Variants in CTNND2 observed in about 807,000 individuals in gnomAD.
The protein encoded by CTNND2 is catenin delta-2.
In CTNND2, 22 loss-of-function variants were observed where a neutral mutation model predicts 144.4. The ratio of observed to expected loss-of-function variants is 0.15; its 90% CI spans 0.11 to 0.22. The LOEUF (loss-of-function observed/expected upper bound fraction) is 0.22. Among genes scored for constraint, CTNND2 ranks in the 10% least tolerant of loss-of-function variants. CTNND2 has a pLI of 1.00. For synonymous variants in CTNND2, 751 were observed against 695.6 expected (o/e 1.08, Z -1.25); for missense variants, 1,353 against 1,618.8 (o/e 0.84, Z 2.82).
chr5:11,066,903 C>T (rs943806270), intron 16 of CTNND2, among the ~76,000 whole-genome samples: 1 of 152,212 alleles, frequency 6.6e-6, no homozygotes, highest in Non-Finnish European at 1.5e-5. Context: ...TTCCTTAGTT[C>T]AGCAGATTAG....
intron 3 of CTNND2, among the ~76,000 whole-genome samples, chr5:11,520,762 G>C (rs1317350359): frequency 6.6e-6 from 1 of 152,198 alleles, no homozygotes; most frequent in Non-Finnish European, 1.5e-5. Flanking sequence ...CAGATGGGCA[G>C]CCCCAATTTC....
intron 9 of CTNND2, among the ~76,000 whole-genome samples, chr5:11,286,382 A>G (rs1747758114): frequency 6.6e-6 from 1 of 152,230 alleles, no homozygotes; most frequent in African/African-American, 2.4e-5. Flanking sequence ...GTCTTAAGTT[A>G]TTAAAAACTC....
chr5:11,511,545 T>C lies in CTNND2; in HGVS notation c.287+53399A>G, dbSNP rs979409669. 2.0e-5 allele frequency among the ~76,000 whole-genome samples: 3 copies of C among 152,184 alleles called. No homozygotes were observed. The East Asian group carries it at 5.8e-4, about 29-fold the overall frequency. On this transcript the variant is annotated intron_variant, in intron 3 of 21. Transcript: ENST00000304623. ...CCTCATTTGGGGGTGATGTGTCCAT[T>C]TGGGGACATATGGTGGATGTATCTT...
chr5:11,669,827 T>C (rs1319495879), intron 2 of CTNND2, among the ~76,000 whole-genome samples: 1 of 152,164 alleles, frequency 6.6e-6, no homozygotes. Context: ...CTCTAGTTCT[T>C]GTAATTGTGA....
chr5:11,113,891 C>T (rs1255402363), intron 13 of CTNND2, among the ~76,000 whole-genome samples: 1 of 152,162 alleles, frequency 6.6e-6, no homozygotes, highest in African/African-American at 2.4e-5. Flanking sequence ...TACTTATTAC[C>T]GAGGGCATGA....
At chr5:11,654,553 T>C (rs921689892) in intron 2 of CTNND2, among the ~76,000 whole-genome samples, 5 of 152,220 alleles carry the variant, frequency 3.3e-5, no homozygotes, top group South Asian at 2.1e-4. Flanking sequence ...TATTAGTGTA[T>C]AGAAACATGA....
intron 11 of CTNND2, among the ~76,000 whole-genome samples, chr5:11,191,285 C>T (rs1449730558): frequency 6.6e-6 from 1 of 152,190 alleles, no homozygotes. Flanking sequence ...GCAGAGAAAT[C>T]ACTGTTGCCC....
chr5:11,450,574 G>C (rs1561412740), intron 3 of CTNND2, among the ~76,000 whole-genome samples: 1 of 152,054 alleles, frequency 6.6e-6, no homozygotes, highest in African/African-American at 2.4e-5. Context: ...ACAAAACAGG[G>C]GTTTCTGGAA....
chr5:11,482,828 C>G (rs767899390), intron 3 of CTNND2, among the ~76,000 whole-genome samples: 2 of 151,906 alleles, frequency 1.3e-5, no homozygotes, highest in Non-Finnish European at 2.9e-5. Flanking sequence ...GCAAGGAGAC[C>G]AAGGGGCTGG....
chr5:11,748,770 GA>G (rs1788452653), intron 1 of CTNND2, among the ~76,000 whole-genome samples: 1 of 151,860 alleles, frequency 6.6e-6, no homozygotes, highest in African/African-American at 2.4e-5. Flanking sequence ...TTGAGTTTGG[GA>G]GTATGTGATA....
intron 3 of CTNND2, among the ~76,000 whole-genome samples, chr5:11,537,599 C>T (rs951768696): frequency 1.4e-4 from 22 of 151,994 alleles, no homozygotes; most frequent in Non-Finnish European, 2.8e-4. Flanking sequence ...CCTTTCTACC[C>T]TGCTTTTACA....
At chr5:11,126,559 A>G (rs1754698296) in intron 12 of CTNND2, among the ~76,000 whole-genome samples, 1 of 152,218 alleles carries the variant, frequency 6.6e-6, no homozygotes, top group Non-Finnish European at 1.5e-5. Context: ...AACTGATGAG[A>G]GTACCTGGCT....
chr5:11,838,363 T>C (rs540997410), intron 1 of CTNND2, among the ~76,000 whole-genome samples: 106 of 152,342 alleles, frequency 7.0e-4, no homozygotes, highest in Non-Finnish European at 1.3e-3. Context: ...TATTTTGAAC[T>C]TTCTCTGCCA....
chr5:11,749,795 T>C (rs934106626), intron 1 of CTNND2, among the ~76,000 whole-genome samples: 1 of 151,998 alleles, frequency 6.6e-6, no homozygotes, highest in Admixed American at 6.6e-5. Context: ...TACATATGAA[T>C]GATAATGAGG....
At chr5:11,317,452 T>C (rs889112945) in intron 9 of CTNND2, among the ~76,000 whole-genome samples, 2 of 152,322 alleles carry the variant, frequency 1.3e-5, no homozygotes, top group Non-Finnish European at 1.5e-5. Context: ...TTCTTCCCAT[T>C]TTGCTTTTTC....
intron 3 of CTNND2, among the ~76,000 whole-genome samples, chr5:11,481,598 G>A (rs1768269822): frequency 1.3e-5 from 2 of 151,856 alleles, no homozygotes; most frequent in Admixed American, 1.3e-4. Context: ...ATGAGACCCT[G>A]GAGAGAGGGA....
Position 11,140,076 on chromosome 5 carries a change from A to G in CTNND2, c.2159+19500T>C, listed in dbSNP as rs147060670. The stretch of plus-strand genomic sequence containing the variant: ...CCTATTTTAAGGTCAGGTGTTAGCA[A>G]CCTTAATTCCATCTGCAACCTTAAT... On this transcript the variant is annotated intron_variant, in intron 12 of 21. Transcript: ENST00000304623. Among the ~76,000 whole-genome samples the G allele has an allele frequency of 1.5e-4, 23 of 152,344 alleles. No individual in the cohort carries two copies. In the East Asian group the frequency reaches 4.0e-3, roughly 27 times the overall value.
intron 11 of CTNND2, among the ~76,000 whole-genome samples, chr5:11,170,782 T>G (rs933958349): frequency 1.3e-5 from 2 of 152,210 alleles, no homozygotes; most frequent in South Asian, 2.1e-4. Context: ...AAGAAATACC[T>G]GAGACTGGGT....
At chr5:11,356,919 T>C (rs1016467995) in intron 8 of CTNND2, among the ~76,000 whole-genome samples, 5 of 151,362 alleles carry the variant, frequency 3.3e-5, no homozygotes, top group African/African-American at 9.7e-5. Context: ...CCAACAGGTA[T>C]ATAAAAAAAA....
Sources: allele counts gnomAD v4.1 joint callset (sites outside exome capture counted in the v4.1 genomes callset), GRCh38; gene constraint gnomAD v4.1.1; transcripts MANE v1.5; gene names NCBI Gene and HGNC (gene_info 2026-07-23, HGNC 2026-07-21).